TFB2M: variants seen among roughly 807,000 people sequenced by gnomAD.
TFB2M encodes the protein dimethyladenosine transferase 2, mitochondrial.
TFB2M carries 44 observed loss-of-function variants against 41.3 expected under a neutral mutation model. The ratio of observed to expected loss-of-function variants is 1.07; its 90% CI spans 0.84 to 1.37. The LOEUF (loss-of-function observed/expected upper bound fraction) is 1.37. Ranked by LOEUF, TFB2M falls within the 40% of genes most tolerant of loss-of-function variation. The probability of loss-of-function intolerance (pLI) is 0.00; values close to 1 mark genes in which losing one functional copy is unlikely to be tolerated. For missense variants in TFB2M, 496 were observed against 490.2 expected (o/e 1.01, Z -0.11); for synonymous variants, 188 against 176.8 (o/e 1.06, Z -0.50).
At chr1:246,551,144 C>T (rs532780498) in intron 5 of TFB2M, 69 bp downstream of exon 5, 3 of 1,245,066 alleles carry the variant, frequency 2.4e-6, no homozygotes, top group East Asian at 4.6e-5. Flanking sequence ...CACTGCACTC[C>T]AGCCTGGGCA....
At position 246,565,831 on chromosome 1, in the gene TFB2M, T is replaced by C. The variant is rs1027021023; in HGVS notation, c.308A>G (p.Asn103Ser). Reference sequence around the variant, plus strand: ...TGCAATTCAGCTGGACTCACCTGGATTGCACTCCAGCAGTAGGTGTGGAGG... The same window carrying C: ...TGCAATTCAGCTGGACTCACCTGGACTGCACTCCAGCAGTAGGTGTGGAGG... ...SRPPHLLLEC[N>S]PGPGILTQAL... The change falls in exon 1 of 8, where the codon AAT becomes AGT. Residue 103 changes from asparagine (N) to serine (S), a missense_variant. By Grantham distance (46) the Asn-to-Ser change is conservative (BLOSUM62 1). Coordinates refer to ENST00000366514, the MANE Select transcript of TFB2M (RefSeq NM_022366.3). 9.4e-6 allele frequency: 15 copies of C among 1,598,824 alleles called. No homozygotes were observed. Among genetic ancestry groups the C allele is most frequent in the Non-Finnish European group, 1.3e-5 (15 of 1,166,998 alleles).
At chr1:246,544,950 C>T (rs565162704) in intron 6 of TFB2M, among the ~76,000 whole-genome samples, 112 of 152,174 alleles carry the variant, frequency 7.4e-4, no homozygotes, top group African/African-American at 1.3e-3. Flanking sequence ...GGACTACAGG[C>T]GCCCACCACC....
At chr1:246,548,264 T>C (rs931765277) in intron 6 of TFB2M, among the ~76,000 whole-genome samples, 1 of 152,206 alleles carries the variant, frequency 6.6e-6, no homozygotes, top group Non-Finnish European at 1.5e-5. Context: ...AAAATGATTT[T>C]ATTTTCCAAA....
At chr1:246,558,793 T>C (rs1015397005) in intron 2 of TFB2M, among the ~76,000 whole-genome samples, 11 of 152,344 alleles carry the variant, frequency 7.2e-5, no homozygotes, top group African/African-American at 2.6e-4. Flanking sequence ...ATACACCTTG[T>C]TTGCTGGAAG....
chr1:246,557,655 C>T, intron 2 of TFB2M, 121 bp from the exon 3 acceptor site: 1 of 877,808 alleles, frequency 1.1e-6, no homozygotes, highest in Non-Finnish European at 1.6e-6. Context: ...AATTCAATTA[C>T]CTGGGGTTTT....
At chr1:246,551,081 G>A (rs1281497988) in intron 5 of TFB2M, 132 bp downstream of exon 5, 1 of 658,966 alleles carries the variant, frequency 1.5e-6, no homozygotes, top group South Asian at 1.9e-5. Context: ...AGGCTAAGGT[G>A]AGAGGATCAC....
intron 7 of TFB2M, among the ~76,000 whole-genome samples, chr1:246,542,766 T>G (rs1396378283): frequency 1.3e-5 from 2 of 152,232 alleles, no homozygotes; most frequent in Non-Finnish European, 2.9e-5. Flanking sequence ...TATTTTGCAC[T>G]ATGATTTACA....
intron 6 of TFB2M, among the ~76,000 whole-genome samples, chr1:246,546,160 A>G (rs1387028925): frequency 6.6e-6 from 1 of 151,792 alleles, no homozygotes; most frequent in Non-Finnish European, 1.5e-5. Context: ...ACAAACAAAC[A>G]AACTAGCTGG....
intron 7 of TFB2M, 136 bp downstream of exon 7, chr1:246,544,385 A>G: frequency 1.3e-6 from 1 of 797,282 alleles, no homozygotes; most frequent in Non-Finnish European, 2.0e-6. Flanking sequence ...CAGGGAGAAC[A>G]AATTATTTTG....
rs965764260 is a variant in TFB2M, at chr1:246,552,877, C to A, written c.706-1575G>T. The stretch of plus-strand genomic sequence containing the variant: ...TCACTTAAGCCCAGGTGTTTGAGAC[C>A]AGCCTGGGCAACAAAGTGAGACACT... On this transcript the variant is annotated intron_variant, in intron 4 of 7. Coordinates refer to ENST00000366514, the MANE Select transcript of TFB2M (RefSeq NM_022366.3). Among the ~76,000 whole-genome samples the A allele has an allele frequency of 4.6e-5, 7 of 151,674 alleles. No homozygotes were observed. In the East Asian group the frequency reaches 7.7e-4, roughly 17 times the overall value.
intron 5 of TFB2M, 84 bp from the exon 6 acceptor site, chr1:246,548,691 C>G (rs1463349221): frequency 1.2e-5 from 15 of 1,269,086 alleles, no homozygotes; most frequent in Non-Finnish European, 1.7e-5. Flanking sequence ...TAAAAAACAC[C>G]TTGCCTAAAT....
At chr1:246,562,081 T>C (rs1285036035) in intron 2 of TFB2M, among the ~76,000 whole-genome samples, 2 of 152,170 alleles carry the variant, frequency 1.3e-5, no homozygotes, top group East Asian at 1.9e-4. Context: ...AGCTAAAACC[T>C]TGAACTCTTT....
chr1:246,566,094 G>A lies in TFB2M; in HGVS notation c.45C>T (p.Ser15=), dbSNP rs143328095. 3.4e-5 allele frequency: 55 copies of A among 1,612,418 alleles called. No homozygotes were observed. The highest frequency in any genetic ancestry group is 4.4e-5 in the Non-Finnish European group (52 of 1,178,838). The change falls in exon 1 of 8, where the codon TCC becomes TCT. Residue 15 remains serine, a synonymous_variant. Coordinates refer to ENST00000366514, the MANE Select transcript of TFB2M (RefSeq NM_022366.3). Reference sequence around the variant, plus strand: ...AAAAGCGACCAGCGCCCGCCAAGGCGGAGAGCCTCAGCCGCCGAGGAAGCC... The same window carrying A: ...AAAAGCGACCAGCGCCCGCCAAGGCAGAGAGCCTCAGCCGCCGAGGAAGCC... The part of the protein sequence containing the change: ...VVGLPRRLRL[S]ALAGAGRFCI...
At chr1:246,547,397 C>T (rs905015050) in intron 6 of TFB2M, among the ~76,000 whole-genome samples, 1 of 152,098 alleles carries the variant, frequency 6.6e-6, no homozygotes, top group African/African-American at 2.4e-5. Context: ...GGATAAGTCC[C>T]CAATAGTATC....
chr1:246,541,117 C>A lies in TFB2M; in HGVS notation c.1105G>T (p.Asp369Tyr), dbSNP rs757317881. 1 of 1,614,154 alleles carries A rather than the reference C, an allele frequency of 6.2e-7. No homozygotes were observed. Among genetic ancestry groups the A allele is most frequent in the South Asian group, 1.1e-5 (1 of 91,074 alleles). Residue 369 changes from aspartate (D) to tyrosine (Y), a missense_variant, in exon 8 of 8, where the codon GAC (aspartate) becomes TAC (tyrosine). Asp to Tyr is a radical substitution (Grantham distance 160). Coordinates refer to ENST00000366514, the MANE Select transcript of TFB2M (RefSeq NM_022366.3). ...DEKVVNMHPQDFKTLFETIER... is the reference protein window; with the variant it reads ...DEKVVNMHPQYFKTLFETIER... ...ATAGTTTCAAAAAGTGTTTTGAAGT[C>A]TTGAGGGTGCATGTTAACTACTTTC...
At chr1:246,545,039 T>C (rs1386166203) in intron 6 of TFB2M, among the ~76,000 whole-genome samples, 1 of 145,618 alleles carries the variant, frequency 6.9e-6, no homozygotes, top group Non-Finnish European at 1.5e-5. Flanking sequence ...TCTCCTGACC[T>C]CGTGATCCGC....
chr1:246,546,430 G>A (rs3124123), intron 6 of TFB2M, among the ~76,000 whole-genome samples: 93,689 of 151,822 alleles, frequency 0.62, 30,923 homozygotes, highest in Middle Eastern at 0.78. Flanking sequence ...CCTGGCCAAC[G>A]TGGTTGAAAC....
At chr1:246,551,862 ATTC>A (rs1185821822) in intron 4 of TFB2M, among the ~76,000 whole-genome samples, 2 of 152,186 alleles carry the variant, frequency 1.3e-5, no homozygotes, top group Admixed American at 1.3e-4. Flanking sequence ...AGCACTTCCT[ATTC>A]TTCTCCTTGT....
intron 6 of TFB2M, among the ~76,000 whole-genome samples, chr1:246,545,882 A>G (rs1438620263): frequency 2.7e-5 from 4 of 149,916 alleles, no homozygotes; most frequent in African/African-American, 9.8e-5. Context: ...AAGCAAGTCC[A>G]CTAAATGCAA....
Sources: gnomAD v4.1 joint callset for allele counts (sites outside exome capture counted in the v4.1 genomes callset) on GRCh38, gnomAD v4.1.1 for gene constraint, MANE v1.5 for transcripts, NCBI Gene and HGNC (gene_info 2026-07-23, HGNC 2026-07-21) for gene names.